Variants in DENND1B observed in about 807,000 individuals in gnomAD.
DENND1B encodes the protein DENN domain containing 1B, also known as DENN domain-containing protein 1B.
A neutral mutation model predicts 90.1 loss-of-function variants in DENND1B; 59 were observed. The observed-to-expected ratio is 0.65, with a 90% CI of 0.53 to 0.81. The LOEUF (loss-of-function observed/expected upper bound fraction) is 0.81, where lower values mean the gene tolerates loss of function less well. DENND1B is among the 40% of genes least tolerant of loss of function. The pLI is 0.00. For missense variants in DENND1B, 862 were observed against 912.6 expected (o/e 0.94, Z 0.71); for synonymous variants, 337 against 324.6 (o/e 1.04, Z -0.41).
intron 15 of DENND1B, among the ~76,000 whole-genome samples, chr1:197,579,250 T>G (rs1246808279): frequency 6.6e-6 from 1 of 152,072 alleles, no homozygotes; most frequent in Non-Finnish European, 1.5e-5. Context: ...GCAAACTCAG[T>G]TTTTGTTGGG....
At chr1:197,735,050 A>G in intron 2 of DENND1B, 1 of 984,066 alleles carries the variant, frequency 1.0e-6, no homozygotes, top group Non-Finnish European at 1.2e-6. Flanking sequence ...AAAGCGGACA[A>G]AATTTTAACA....
chr1:197,768,048 T>A (rs1227116304), intron 2 of DENND1B, among the ~76,000 whole-genome samples: 2 of 152,230 alleles, frequency 1.3e-5, no homozygotes, highest in Non-Finnish European at 2.9e-5. Context: ...AAGATTTTTG[T>A]GAGGCTTAAA....
At chr1:197,685,037 G>C (rs1213851696) in intron 3 of DENND1B, among the ~76,000 whole-genome samples, 2 of 152,110 alleles carry the variant, frequency 1.3e-5, no homozygotes, top group Non-Finnish European at 2.9e-5. Context: ...AGAATCGCTT[G>C]AACCCAGGGG....
rs373323485 is a variant in DENND1B, at chr1:197,632,855, G to A, written c.672+9856C>T. Among the ~76,000 whole-genome samples the A allele has an allele frequency of 2.2e-3, 337 of 152,220 alleles. 2 individuals carry two copies. Among genetic ancestry groups the A allele is most frequent in the African/African-American group, 7.9e-3 (330 of 41,554 alleles). On this transcript the variant is annotated intron_variant, in intron 10 of 22. Coordinates refer to ENST00000620048, the MANE Select transcript of DENND1B (RefSeq NM_001195215.2). ...AGTTAATCTACTGGCTTGAGTGATT[G>A]TTCTCAATAACCAAAGGGAAACTGG...
At chr1:197,704,663 T>C (rs1659349119) in intron 3 of DENND1B, among the ~76,000 whole-genome samples, 1 of 152,184 alleles carries the variant, frequency 6.6e-6, no homozygotes, top group South Asian at 2.1e-4. Flanking sequence ...AAGCGTATAA[T>C]AAACCAGTGC....
At chr1:197,620,735 T>C (rs1326582457) in intron 10 of DENND1B, among the ~76,000 whole-genome samples, 1 of 151,384 alleles carries the variant, frequency 6.6e-6, no homozygotes, top group Non-Finnish European at 1.5e-5. Context: ...GTGCCTGCTA[T>C]ATGCAATCGA....
intron 10 of DENND1B, among the ~76,000 whole-genome samples, chr1:197,627,515 G>A (rs1448804142): frequency 6.6e-6 from 1 of 152,112 alleles, no homozygotes. Flanking sequence ...ATTAGGTATT[G>A]ATGGGACATA....
At chr1:197,749,610 C>G (rs1653175223) in intron 2 of DENND1B, among the ~76,000 whole-genome samples, 1 of 152,084 alleles carries the variant, frequency 6.6e-6, no homozygotes, top group Non-Finnish European at 1.5e-5. Flanking sequence ...GTGTCACCAG[C>G]AGACTTGATG....
chr1:197,571,460 G>A (rs937184272), intron 15 of DENND1B, among the ~76,000 whole-genome samples: 8 of 152,060 alleles, frequency 5.3e-5, no homozygotes, highest in African/African-American at 1.9e-4. Context: ...CTCTCTACCT[G>A]TAACCATGTT....
At chr1:197,696,953 G>T (rs919505053) in intron 3 of DENND1B, among the ~76,000 whole-genome samples, 1 of 150,808 alleles carries the variant, frequency 6.6e-6, no homozygotes, top group Non-Finnish European at 1.5e-5. Context: ...AGCTACGGAA[G>T]TACAGACAGG....
chr1:197,627,110 C>T (rs1327579963), intron 10 of DENND1B, among the ~76,000 whole-genome samples: 1 of 151,540 alleles, frequency 6.6e-6, no homozygotes, highest in Non-Finnish European at 1.5e-5. Context: ...CAAGGAGGAA[C>T]TGGTACCATT....
intron 5 of DENND1B, among the ~76,000 whole-genome samples, chr1:197,670,041 G>A (rs1262485352): frequency 1.3e-5 from 2 of 152,106 alleles, no homozygotes; most frequent in South Asian, 4.1e-4. Context: ...TTTAGAGTTT[G>A]TTTTCTACAA....
chr1:197,608,667 TTGTTAAGGGATA>T (rs1676905487), intron 12 of DENND1B, among the ~76,000 whole-genome samples: 1 of 150,582 alleles, frequency 6.6e-6, no homozygotes, highest in Non-Finnish European at 1.5e-5. Context: ...CCTGATGTAT[TTGTTAAGGGATA>T]AAATGAGTTA....
In DENND1B at chr1:197,617,740, C is replaced by G. The variant is rs1297117613; in HGVS notation, c.692G>C (p.Gly231Ala). 6.2e-7 allele frequency: 1 copy of G among 1,607,168 alleles called. No homozygotes were observed. Among genetic ancestry groups the G allele is most frequent in the African/African-American group, 1.3e-5 (1 of 74,482 alleles). ...CATTGGGTATAGAAGAGCAGCTGAT[C>G]CATGGATACAGGCAGTTAACTGAAA... ...KLSTLTACIH[G>A]SAALLYPMYW... Residue 231 changes from glycine (G) to alanine (A), a missense_variant, in exon 11 of 23, where the codon GGA becomes GCA. Transcript: ENST00000620048.
At chr1:197,741,204 C>T (rs1342042785) in intron 2 of DENND1B, among the ~76,000 whole-genome samples, 1 of 152,160 alleles carries the variant, frequency 6.6e-6, no homozygotes, top group Non-Finnish European at 1.5e-5. Flanking sequence ...AAAATAACAT[C>T]TCCTGCCAGA....
chr1:197,578,186 C>G (rs760101784), intron 15 of DENND1B, among the ~76,000 whole-genome samples: 2 of 152,084 alleles, frequency 1.3e-5, no homozygotes, highest in Non-Finnish European at 2.9e-5. Context: ...ACAGTTAATA[C>G]TAATGTATTG....
chr1:197,595,456 T>C (rs935212812), intron 13 of DENND1B, 123 bp from the exon 14 acceptor site: 7 of 1,224,566 alleles, frequency 5.7e-6, no homozygotes, highest in East Asian at 4.9e-5. Context: ...TCCTCCCTGA[T>C]AGCTTATCTT....
chr1:197,724,930 CAA>C (rs1558447185), intron 2 of DENND1B, among the ~76,000 whole-genome samples: 1 of 151,126 alleles, frequency 6.6e-6, no homozygotes, highest in Non-Finnish European at 1.5e-5. Context: ...CATAAAGAGG[CAA>C]AATAAATGAG....
Position 197,553,025 on chromosome 1 carries a change from C to G in DENND1B, c.1237G>C (p.Gly413Arg). Residue 413 changes from glycine (G) to arginine (R), a missense_variant, in exon 16 of 23, where the codon GGA (glycine) becomes CGA (arginine). By Grantham distance (125) the Gly-to-Arg change is moderately radical. Transcript: ENST00000620048. Reference sequence around the variant, plus strand: ...TCATATTGTAACTTGTCTTTACCTCCACAAAAGCCACCTGAAGTGATCTCT... The same window carrying G: ...TCATATTGTAACTTGTCTTTACCTCGACAAAAGCCACCTGAAGTGATCTCT... ...EEEITSGGFCGGNPRSYQQWV... is the reference protein window; with the variant it reads ...EEEITSGGFCRGNPRSYQQWV... 1 of 1,572,114 alleles carries G rather than the reference C, an allele frequency of 6.4e-7. No homozygotes were observed. The highest frequency in any genetic ancestry group is 8.6e-7 in the Non-Finnish European group (1 of 1,166,092).
Sources: gnomAD v4.1 joint callset for allele counts (sites outside exome capture counted in the v4.1 genomes callset) on GRCh38, gnomAD v4.1.1 for gene constraint, MANE v1.5 for transcripts, NCBI Gene and HGNC (gene_info 2026-07-23, HGNC 2026-07-21) for gene names.